The following PEX14 variants were observed in gnomAD, a reference collection of about 807,000 sequenced individuals.
PEX14 encodes the protein peroxisomal biogenesis factor 14.
In PEX14, 15 loss-of-function variants were observed where a neutral mutation model predicts 49.5. The observed-to-expected ratio is 0.30, with a 90% confidence interval of 0.20 to 0.47. The LOEUF is 0.47. PEX14 is among the 20% of genes least tolerant of loss of function. The probability of loss-of-function intolerance (pLI) is 1.00; values close to 1 mark genes in which losing one functional copy is unlikely to be tolerated. For missense variants in PEX14, 398 were observed against 494.8 expected (o/e 0.80, Z 1.86); for synonymous variants, 210 against 212.7 (o/e 0.99, Z 0.11).
At chr1:10,572,691 C>A (rs1039600196) in intron 3 of PEX14, among the ~76,000 whole-genome samples, 20 of 151,784 alleles carry the variant, frequency 1.3e-4, no homozygotes, top group African/African-American at 4.4e-4. Context: ...CCCCCCCCAC[C>A]ACGCCCAGCT....
Position 10,613,767 on chromosome 1 carries a change from C to A in PEX14, c.299-4565C>A, listed in dbSNP as rs945522554. On this transcript the variant is annotated intron_variant, in intron 4 of 8. Coordinates refer to ENST00000356607, the MANE Select transcript of PEX14 (RefSeq NM_004565.3). This position sits in a 1 kb window ranked among gnomAD's most constrained non-coding sequence, Gnocchi z 5.0. ...AGAAGAGAAAAATGTCCTTGGAACC[C>A]CCCTGGCTGGTGGTGGCATGAGGGT... Among the ~76,000 whole-genome samples, 1 of 152,218 alleles carries A rather than the reference C, an allele frequency of 6.6e-6. No individual in the cohort carries two copies. The highest frequency in any genetic ancestry group is 2.4e-5 in the African/African-American group (1 of 41,456).
intron 7 of PEX14, among the ~76,000 whole-genome samples, chr1:10,626,197 C>T (rs1293293526): frequency 6.6e-6 from 1 of 152,190 alleles, no homozygotes; most frequent in Non-Finnish European, 1.5e-5. Context: ...ATTTCTAAAT[C>T]CTGGCATCTG....
intron 1 of PEX14, among the ~76,000 whole-genome samples, chr1:10,483,833 C>A (rs1234503142): frequency 2.0e-5 from 3 of 151,686 alleles, no homozygotes; most frequent in Admixed American, 1.3e-4. Context: ...TTCCCTTACG[C>A]CCCTTCCCAT....
intron 3 of PEX14, among the ~76,000 whole-genome samples, chr1:10,579,713 C>T (rs1347910228): frequency 6.6e-6 from 1 of 152,048 alleles, no homozygotes; most frequent in Non-Finnish European, 1.5e-5. Context: ...GTTGCCATGG[C>T]GTCTGTAAAC....
intron 3 of PEX14, among the ~76,000 whole-genome samples, chr1:10,572,051 T>C (rs1639993181): frequency 6.6e-6 from 1 of 152,096 alleles, no homozygotes; most frequent in Admixed American, 6.5e-5. Context: ...GGACACAAGT[T>C]AGAGATTTTA....
intron 1 of PEX14, among the ~76,000 whole-genome samples, chr1:10,476,201 A>T (rs1459559767): frequency 6.6e-6 from 1 of 152,206 alleles, no homozygotes; most frequent in Non-Finnish European, 1.5e-5. Flanking sequence ...CGTCTGTTAC[A>T]AGAATTGAAC....
At chr1:10,622,104 G>T (rs568129145) in intron 5 of PEX14, among the ~76,000 whole-genome samples, 1 of 152,102 alleles carries the variant, frequency 6.6e-6, no homozygotes, top group Admixed American at 6.5e-5. Flanking sequence ...GTCCCTGCAG[G>T]CCCCACCACC....
chr1:10,483,243 C>A (rs1319198575), intron 1 of PEX14, among the ~76,000 whole-genome samples: 1 of 152,058 alleles, frequency 6.6e-6, no homozygotes, highest in African/African-American at 2.4e-5. Context: ...GCAGTCGTGA[C>A]CTCCTGGGCT....
rs1048006064 is a variant in PEX14, at chr1:10,514,258, C to T, written c.84+18937C>T. On this transcript the variant is annotated intron_variant, in intron 2 of 8. Transcript: ENST00000356607. The surrounding 1 kb of genome is among the most constrained non-coding windows in gnomAD (Gnocchi z 4.4). ...ACAGCAGTGAGAAACTTCTGTCATCCTTTCTCCCAGTTCAGGTTGATTTGT... is the reference window on the plus strand; with the variant it reads ...ACAGCAGTGAGAAACTTCTGTCATCTTTTCTCCCAGTTCAGGTTGATTTGT... Among the ~76,000 whole-genome samples, 1 of 150,998 alleles carries T rather than the reference C, an allele frequency of 6.6e-6. No individual in the cohort carries two copies. Among genetic ancestry groups the T allele is most frequent in the Non-Finnish European group, 1.5e-5 (1 of 67,820 alleles).
intron 1 of PEX14, among the ~76,000 whole-genome samples, chr1:10,475,661 A>G (rs1490842240): frequency 6.6e-6 from 1 of 152,182 alleles, no homozygotes; most frequent in Admixed American, 6.5e-5. Context: ...AGATTCAGAC[A>G]AATCCCACTC....
chr1:10,548,206 G>T (rs569754985), intron 3 of PEX14, among the ~76,000 whole-genome samples: 6 of 152,202 alleles, frequency 3.9e-5, no homozygotes, highest in Non-Finnish European at 8.8e-5. Flanking sequence ...GACAGAGTGA[G>T]ACTCTGTCTC....
intron 2 of PEX14, among the ~76,000 whole-genome samples, chr1:10,519,274 A>T (rs980916020): frequency 6.6e-6 from 1 of 152,156 alleles, no homozygotes; most frequent in Non-Finnish European, 1.5e-5. Flanking sequence ...GGCTTTATGC[A>T]GTCCTTTAGC....
chr1:10,612,630 C>T (rs971981722), intron 4 of PEX14, among the ~76,000 whole-genome samples: 6 of 152,184 alleles, frequency 3.9e-5, no homozygotes, highest in Non-Finnish European at 7.3e-5. Flanking sequence ...CCACTGCCAG[C>T]CATCCACAGC....
In PEX14 at chr1:10,495,839, C is replaced by T. The variant is rs1641551150; in HGVS notation, c.84+518C>T. ...TATTAAGCACTGCAGGTAATTTTCTCTCCCAAGTGCTTTTCATTTGGTGGC... is the reference window on the plus strand; with the variant it reads ...TATTAAGCACTGCAGGTAATTTTCTTTCCCAAGTGCTTTTCATTTGGTGGC... On this transcript the variant is annotated intron_variant, in intron 2 of 8. Transcript: ENST00000356607. The surrounding 1 kb of genome is among the most constrained non-coding windows in gnomAD (Gnocchi z 4.2). Among the ~76,000 whole-genome samples the T allele has an allele frequency of 6.6e-6, 1 of 152,208 alleles. No homozygotes were observed. The highest frequency in any genetic ancestry group is 1.5e-5 in the Non-Finnish European group (1 of 68,036).
intron 2 of PEX14, among the ~76,000 whole-genome samples, chr1:10,500,255 A>T (rs568205879): frequency 1.3e-5 from 2 of 151,064 alleles, no homozygotes; most frequent in South Asian, 4.2e-4. Context: ...AAAAAAAAAA[A>T]ATTAGCTGGG....
intron 3 of PEX14, among the ~76,000 whole-genome samples, chr1:10,551,165 A>G (rs550811615): frequency 5.3e-5 from 8 of 152,326 alleles, no homozygotes; most frequent in Admixed American, 4.6e-4. Context: ...CATGGGTTAT[A>G]TTAAAAATTG....
rs147165167 is a variant in PEX14 at position 10,480,079 on chromosome 1, G to A, written c.36+5077G>A. Reference sequence around the variant, plus strand: ...TTGACTGAAATCACAGATGTGAAGAGCACCTGCTGCATAGTAAGTGCTCAG... The same window carrying A: ...TTGACTGAAATCACAGATGTGAAGAACACCTGCTGCATAGTAAGTGCTCAG... On this transcript the variant is annotated intron_variant, in intron 1 of 8. Transcript: ENST00000356607. Among the ~76,000 whole-genome samples, 1,308 of 152,236 alleles carry A rather than the reference G, an allele frequency of 8.6e-3. 19 individuals are homozygous for A. Among genetic ancestry groups the A allele is most frequent in the African/African-American group, 0.029 (1,208 of 41,532 alleles).
intron 3 of PEX14, among the ~76,000 whole-genome samples, chr1:10,592,604 T>C (rs1238671251): frequency 6.6e-6 from 1 of 152,192 alleles, no homozygotes; most frequent in Non-Finnish European, 1.5e-5. Flanking sequence ...AGTTTCCTCC[T>C]TATGTGGAAG....
intron 5 of PEX14, among the ~76,000 whole-genome samples, chr1:10,621,960 C>A (rs1356726910): frequency 6.6e-6 from 1 of 152,138 alleles, no homozygotes; most frequent in Admixed American, 6.5e-5. Flanking sequence ...CCGGGCAGCT[C>A]CTGCCAGGCT....
Sources: allele counts gnomAD v4.1 joint callset (sites outside exome capture counted in the v4.1 genomes callset), GRCh38; gene constraint gnomAD v4.1.1; non-coding constraint Gnocchi (gnomAD v3.1); transcripts MANE v1.5; gene names NCBI Gene and HGNC (gene_info 2026-07-23, HGNC 2026-07-21).